Variants in SGCD observed in about 807,000 individuals in gnomAD.
The protein encoded by SGCD is sarcoglycan delta, also known as delta-sarcoglycan.
In SGCD, 18 loss-of-function variants were observed where a neutral mutation model predicts 36.6. That is an observed-to-expected ratio of 0.49 (90% CI 0.34 to 0.73). The LOEUF (loss-of-function observed/expected upper bound fraction) is 0.73. SGCD is among the 30% of genes least tolerant of loss of function. SGCD has a pLI of 0.01. For synonymous variants in SGCD, 133 were observed against 130.6 expected (o/e 1.02, Z -0.12); for missense variants, 387 against 346.7 (o/e 1.12, Z -0.92).
intron 1 of SGCD, among the ~76,000 whole-genome samples, chr5:156,023,640 C>T (rs960979486): frequency 1.3e-5 from 2 of 152,096 alleles, no homozygotes; most frequent in African/African-American, 4.8e-5. Flanking sequence ...CCTTCAGGTG[C>T]CAAAGTGTTG....
chr5:156,655,700 A>G (rs563820682), intron 7 of SGCD, among the ~76,000 whole-genome samples: 1 of 152,290 alleles, frequency 6.6e-6, no homozygotes, highest in African/African-American at 2.4e-5. Context: ...AAATTATACC[A>G]GGCACTGTAA....
chr5:156,421,271 G>T (rs187045219), intron 3 of SGCD, among the ~76,000 whole-genome samples: 1 of 152,016 alleles, frequency 6.6e-6, no homozygotes, highest in Non-Finnish European at 1.5e-5. Context: ...ATTACACAGT[G>T]CATTCAAGGA....
the SGCD span, among the ~76,000 whole-genome samples, chr5:155,771,323 A>G: frequency 1.3e-5 from 2 of 150,958 alleles, no homozygotes. Flanking sequence ...ATCATAGCTC[A>G]CTCCATGCTC....
the SGCD span, among the ~76,000 whole-genome samples, chr5:155,787,668 G>A: frequency 4.6e-5 from 7 of 152,074 alleles, no homozygotes; most frequent in African/African-American, 1.4e-4. Flanking sequence ...CTGTTGTAAC[G>A]GATGGAGCAG....
the SGCD span, among the ~76,000 whole-genome samples, chr5:155,831,603 G>C: frequency 1.3e-5 from 2 of 152,202 alleles, no homozygotes; most frequent in Admixed American, 6.5e-5. Context: ...CTTGCAAATT[G>C]AATTGCTTTC....
intron 6 of SGCD, among the ~76,000 whole-genome samples, chr5:156,635,862 A>T (rs920123308): frequency 6.9e-6 from 1 of 145,800 alleles, no homozygotes; most frequent in Non-Finnish European, 1.5e-5. Flanking sequence ...AGGAAGGGGA[A>T]CATCACACAT....
Position 156,028,818 on chromosome 5 carries a change from G to T in SGCD, c.-281-89060G>T, listed in dbSNP as rs558529837. On this transcript the variant is annotated intron_variant, in intron 1 of 9. Transcript: ENST00000517913. ...TAATAATCGTCTTTCACAAGGAAGA[G>T]AATACAGCATGATGTCGTCTGAACC... Among the ~76,000 whole-genome samples the T allele has an allele frequency of 2.0e-5, 3 of 152,204 alleles. No individual in the cohort carries two copies. In the South Asian group the frequency reaches 6.2e-4, roughly 32 times the overall value.
chr5:156,146,324 T>C (rs1762710502), intron 3 of SGCD, among the ~76,000 whole-genome samples: 1 of 152,210 alleles, frequency 6.6e-6, no homozygotes, highest in South Asian at 2.1e-4. Flanking sequence ...CAATGAATAA[T>C]TTATATTGTC....
At chr5:155,985,818 G>A (rs1758317615) in intron 1 of SGCD, among the ~76,000 whole-genome samples, 1 of 152,150 alleles carries the variant, frequency 6.6e-6, no homozygotes, top group Non-Finnish European at 1.5e-5. Flanking sequence ...CATTTCCTGA[G>A]GAACTGGTGG....
intron 7 of SGCD, among the ~76,000 whole-genome samples, chr5:156,701,459 C>T (rs576579140): frequency 6.6e-6 from 1 of 152,252 alleles, no homozygotes; most frequent in East Asian, 1.9e-4. Flanking sequence ...TATTGTAAAT[C>T]ATCTTCCTTC....
chr5:156,586,266 C>T (rs759886138), intron 4 of SGCD, among the ~76,000 whole-genome samples: 2 of 151,974 alleles, frequency 1.3e-5, no homozygotes, highest in Non-Finnish European at 2.9e-5. Context: ...GCTATTTCCT[C>T]GTGTTTAGAT....
At chr5:155,970,593 G>A (rs10061716) in intron 1 of SGCD, among the ~76,000 whole-genome samples, 2,361 of 152,184 alleles carry the variant, frequency 0.016, 50 homozygotes, top group African/African-American at 0.054. Flanking sequence ...AAATAAAGTG[G>A]CTACAGAGTG....
intron 2 of SGCD, among the ~76,000 whole-genome samples, chr5:156,119,366 A>G (rs1416261000): frequency 6.6e-6 from 1 of 152,056 alleles, no homozygotes; most frequent in East Asian, 1.9e-4. Flanking sequence ...GTCACTTCCT[A>G]GTTATGTGAT....
intron 3 of SGCD, among the ~76,000 whole-genome samples, chr5:156,235,417 C>T (rs960890697): frequency 6.6e-6 from 1 of 152,148 alleles, no homozygotes; most frequent in Non-Finnish European, 1.5e-5. Flanking sequence ...TTTGGTTTGA[C>T]GTGTCACCTC....
At chr5:156,173,131 A>T (rs1763381585) in intron 3 of SGCD, among the ~76,000 whole-genome samples, 1 of 152,180 alleles carries the variant, frequency 6.6e-6, no homozygotes, top group Admixed American at 6.5e-5. Context: ...AAGTAAAATA[A>T]AATAATAATA....
At chr5:156,547,535 C>T (rs886321227) in intron 4 of SGCD, among the ~76,000 whole-genome samples, 8 of 152,054 alleles carry the variant, frequency 5.3e-5, no homozygotes, top group African/African-American at 9.6e-5. Flanking sequence ...CTCCGCCTCC[C>T]GGGTTCACGC....
chr5:155,784,738 G>A, the SGCD span, among the ~76,000 whole-genome samples: 1 of 148,006 alleles, frequency 6.8e-6, no homozygotes, highest in Admixed American at 6.8e-5. Flanking sequence ...TTCAAAAGTT[G>A]TGAATATATG....
chr5:155,861,519 A>C, the SGCD span, among the ~76,000 whole-genome samples: 1 of 152,160 alleles, frequency 6.6e-6, no homozygotes, highest in East Asian at 1.9e-4. Context: ...AGAGATCGAG[A>C]CCATCTTGGC....
chr5:155,804,040 T>C, the SGCD span, among the ~76,000 whole-genome samples: 3 of 152,326 alleles, frequency 2.0e-5, no homozygotes, highest in South Asian at 6.2e-4. Flanking sequence ...GGACCATCTT[T>C]GGCGGAGATA....
Sources: gnomAD v4.1 joint callset for allele counts (sites outside exome capture counted in the v4.1 genomes callset) on GRCh38, gnomAD v4.1.1 for gene constraint, MANE v1.5 for transcripts, NCBI Gene and HGNC (gene_info 2026-07-23, HGNC 2026-07-21) for gene names.